Variants in GAS7 observed in about 807,000 individuals in gnomAD.
GAS7 encodes growth arrest-specific protein 7.
GAS7 carries 28 observed loss-of-function variants against 71.1 expected under a neutral mutation model. The observed-to-expected ratio is 0.39, with a 90% CI of 0.29 to 0.54. The LOEUF (loss-of-function observed/expected upper bound fraction) is 0.54, where lower values mean the gene tolerates loss of function less well. Among genes scored for constraint, GAS7 ranks in the 20% least tolerant of loss-of-function variants. GAS7 has a pLI of 0.62. For missense variants in GAS7, 436 were observed against 627.8 expected (o/e 0.69, Z 3.27); for synonymous variants, 258 against 245.8 (o/e 1.05, Z -0.46).
rs1255150926 is a variant in GAS7, at chr17:9,910,979, A to G, written c.*6249T>C. ...TTACAGAAAACAGATCAAACAAGCAAGTTTATTTTGTTAGAAAATTCCACT... is the reference window on the plus strand; with the variant it reads ...TTACAGAAAACAGATCAAACAAGCAGGTTTATTTTGTTAGAAAATTCCACT... On this transcript the variant is annotated 3_prime_UTR_variant, in exon 14 of 14. Transcript: ENST00000432992. The G allele has an allele frequency of 8.6e-6, 2 of 232,476 alleles. No homozygotes were observed. The highest frequency in any genetic ancestry group is 1.7e-5 in the Non-Finnish European group (2 of 117,388). 14.4% of individuals were successfully genotyped at this position (232,476 alleles called of 1,614,324 possible).
chr17:10,071,638 A>G (rs2073340504), intron 1 of GAS7, among the ~76,000 whole-genome samples: 1 of 152,194 alleles, frequency 6.6e-6, no homozygotes, highest in African/African-American at 2.4e-5. Context: ...GAAAAAACAA[A>G]TAAAGGCCAG....
At chr17:10,143,542 CAAAA>C (rs35511428) in intron 1 of GAS7, among the ~76,000 whole-genome samples, 8 of 135,814 alleles carry the variant, frequency 5.9e-5, no homozygotes, top group African/African-American at 1.7e-4. Flanking sequence ...AATTCCGTCT[CAAAA>C]AAAAAAAAAA....
intron 2 of GAS7, among the ~76,000 whole-genome samples, chr17:9,990,945 A>C (rs887070434): frequency 1.3e-5 from 2 of 152,212 alleles, no homozygotes; most frequent in Non-Finnish European, 2.9e-5. Context: ...CCTTTTAACA[A>C]GGACCATGTT....
intron 2 of GAS7, among the ~76,000 whole-genome samples, chr17:9,993,028 A>T (rs1318382222): frequency 6.6e-6 from 1 of 151,898 alleles, no homozygotes; most frequent in South Asian, 2.1e-4. Flanking sequence ...GGTTGGTTCC[A>T]AGTCTTTGCT....
chr17:9,990,120 T>A (rs2152141271), intron 2 of GAS7, among the ~76,000 whole-genome samples: 1 of 151,932 alleles, frequency 6.6e-6, no homozygotes, highest in Middle Eastern at 3.4e-3. Context: ...ATACAAAAAA[T>A]TAGCCGGGCG....
chr17:10,029,029 T>C (rs80222831), intron 1 of GAS7, among the ~76,000 whole-genome samples: 60 of 152,298 alleles, frequency 3.9e-4, no homozygotes, highest in Admixed American at 1.4e-3. Flanking sequence ...ACACGGGACG[T>C]CCTACGCTGT....
chr17:9,923,439 G>C (rs919260092), intron 11 of GAS7, among the ~76,000 whole-genome samples: 1 of 151,936 alleles, frequency 6.6e-6, no homozygotes, highest in Admixed American at 6.6e-5. Context: ...AAAAATATCT[G>C]CAATTAAAAT....
intron 13 of GAS7, 31 bp downstream of exon 13, chr17:9,917,970 G>A (rs369088042): frequency 1.8e-5 from 27 of 1,522,852 alleles, no homozygotes; most frequent in African/African-American, 1.6e-4. Context: ...GCCCCGTGTC[G>A]CCCGGGAGCC....
In GAS7 at chr17:9,975,951, G is replaced by A. The variant is rs566726689; in HGVS notation, c.385+5853C>T. On this transcript the variant is annotated intron_variant, in intron 3 of 13. Transcript: ENST00000432992. ...CGTGCTCATCCGGTCTGATGACATA[G>A]GGCACAATTACAGCCTCCTTCCTCC... is the stretch of plus-strand genomic sequence containing the variant. Among the ~76,000 whole-genome samples the A allele has an allele frequency of 6.6e-5, 10 of 150,890 alleles. No individual in the cohort carries two copies. In the East Asian group the frequency reaches 1.9e-3, roughly 29 times the overall value.
intron 1 of GAS7, among the ~76,000 whole-genome samples, chr17:10,031,792 T>C (rs1262434857): frequency 6.6e-6 from 1 of 152,228 alleles, no homozygotes; most frequent in Non-Finnish European, 1.5e-5. Context: ...TGGTGGCATC[T>C]CCCCAGCGGC....
rs781768054 is a variant in GAS7 at position 9,918,104 on chromosome 17, C to A, written c.1219-5G>T. On this transcript the variant is annotated splice_polypyrimidine_tract_variant and splice_region_variant and intron_variant, in intron 12 of 13. Transcript: ENST00000432992. ...CACCTCCAGCCGCTCTAGCTCCTGC[C>A]GAGAAAGCAAAGGCCAGAGAACTCT... The A allele has an allele frequency of 1.4e-5, 22 of 1,610,538 alleles. No individual in the cohort carries two copies. In the South Asian group the frequency reaches 2.3e-4, roughly 17 times the overall value.
Position 9,912,092 on chromosome 17 carries a change from C to T in GAS7, c.*5136G>A, listed in dbSNP as rs114190599. ...GACTCCAGAACATACTATCAAAGAT[C>T]GACGAATGAGATCCAAACGGTCATT... On this transcript the variant is annotated 3_prime_UTR_variant, in exon 14 of 14. Transcript: ENST00000432992. The T allele has an allele frequency of 3.0e-5, 7 of 232,050 alleles. No individual in the cohort carries two copies. The highest frequency in any genetic ancestry group is 5.1e-5 in the Non-Finnish European group (6 of 117,406). 14.4% of individuals were successfully genotyped at this position (232,050 alleles called of 1,614,324 possible).
intron 2 of GAS7, among the ~76,000 whole-genome samples, chr17:10,001,174 G>A (rs904860991): frequency 8.5e-5 from 13 of 152,108 alleles, no homozygotes; most frequent in Non-Finnish European, 1.8e-4. Flanking sequence ...AAAGAGGGAA[G>A]AGGACACGAA....
chr17:10,018,534 T>C (rs2072130628), intron 2 of GAS7, among the ~76,000 whole-genome samples: 1 of 152,236 alleles, frequency 6.6e-6, no homozygotes, highest in Non-Finnish European at 1.5e-5. Context: ...GCTGTTCATG[T>C]GTTTGTTTTG....
rs181398493 is a variant in GAS7, at chr17:10,120,626, C to T, written c.183+77582G>A. On this transcript the variant is annotated intron_variant, in intron 1 of 13. Coordinates refer to ENST00000432992, the MANE Select transcript of GAS7 (RefSeq NM_201433.2). ...ACTCGGGGTGCTGAGGCAGTAGAAT[C>T]GCTTGAACCTGGGAGGCGGAGGTTG... Among the ~76,000 whole-genome samples, 21 of 152,260 alleles carry T rather than the reference C, an allele frequency of 1.4e-4. 1 individual carries two copies. The South Asian group carries it at 3.7e-3, about 27-fold the overall frequency.
chr17:10,103,794 C>A lies in GAS7; in HGVS notation c.184-83897G>T, dbSNP rs775895771. The stretch of plus-strand genomic sequence containing the variant: ...TGAGCCAAGATCTCACCATTGCACT[C>A]CAGCCTGGGTGACACAGCAAGACTG... On this transcript the variant is annotated intron_variant, in intron 1 of 13. Coordinates refer to ENST00000432992, the MANE Select transcript of GAS7 (RefSeq NM_201433.2). The surrounding 1 kb of genome is among the most constrained non-coding windows in gnomAD (Gnocchi z 5.5). Among the ~76,000 whole-genome samples, 8 of 151,676 alleles carry A rather than the reference C, an allele frequency of 5.3e-5. No individual in the cohort carries two copies. The highest frequency in any genetic ancestry group is 1.3e-4 in the Admixed American group (2 of 15,224).
chr17:10,006,316 C>CTTTT (rs1168698479), intron 2 of GAS7, among the ~76,000 whole-genome samples: 681 of 65,658 alleles, frequency 0.01, 64 homozygotes, highest in Non-Finnish European at 0.015. Context: ...GCCCCAGATT[C>CTTTT]TTTTTTTTTT....
chr17:10,028,864 T>C (rs1241712546), intron 1 of GAS7, among the ~76,000 whole-genome samples: 1 of 152,092 alleles, frequency 6.6e-6, no homozygotes, highest in East Asian at 1.9e-4. Context: ...TTCCCCAGAA[T>C]GCAAAGGAAA....
At chr17:10,194,664 C>A (rs1359141564) in intron 1 of GAS7, among the ~76,000 whole-genome samples, 1 of 152,140 alleles carries the variant, frequency 6.6e-6, no homozygotes, top group Non-Finnish European at 1.5e-5. Context: ...TCTACCATAT[C>A]TCTCAAATGA....
Sources: gnomAD v4.1 joint callset for allele counts (sites outside exome capture counted in the v4.1 genomes callset) on GRCh38, gnomAD v4.1.1 for gene constraint, Gnocchi (gnomAD v3.1) non-coding constraint, MANE v1.5 for transcripts, NCBI Gene and HGNC (gene_info 2026-07-23, HGNC 2026-07-21) for gene names.